Variants in LUZP2 observed in about 807,000 individuals in gnomAD.
The protein encoded by LUZP2 is leucine zipper protein 2.
A neutral mutation model predicts 51.6 loss-of-function variants in LUZP2; 52 were observed. The ratio of observed to expected loss-of-function variants is 1.01; its 90% CI spans 0.81 to 1.27. The LOEUF is 1.27. Among genes scored for constraint, LUZP2 ranks in the 50% most tolerant of loss-of-function variants. The probability of loss-of-function intolerance (pLI) is 0.00; values close to 1 mark genes in which losing one functional copy is unlikely to be tolerated. For missense variants in LUZP2, 436 were observed against 395.4 expected, an observed-to-expected ratio of 1.10 and a Z score of -0.87; for synonymous variants, 154 against 137.3, an observed-to-expected ratio of 1.12 and a Z score of -0.85.
At chr11:25,063,789 G>C (rs772982718) in intron 10 of LUZP2, among the ~76,000 whole-genome samples, 26 of 151,822 alleles carry the variant, frequency 1.7e-4, no homozygotes, top group Admixed American at 5.3e-4. Flanking sequence ...TATTGAACAT[G>C]TAATGTGTAT....
chr11:24,841,075 A>G (rs2134200071), intron 5 of LUZP2, among the ~76,000 whole-genome samples: 1 of 152,040 alleles, frequency 6.6e-6, no homozygotes, highest in East Asian at 1.9e-4. Context: ...AGTGTTATAG[A>G]CTATATGTTT....
chr11:24,758,929 A>G (rs1040978220), intron 4 of LUZP2, among the ~76,000 whole-genome samples: 1 of 152,128 alleles, frequency 6.6e-6, no homozygotes, highest in East Asian at 1.9e-4. Flanking sequence ...ATATGAAAAA[A>G]GATGTATATC....
intron 5 of LUZP2, among the ~76,000 whole-genome samples, chr11:24,861,644 C>T (rs999534187): frequency 2.6e-5 from 4 of 151,938 alleles, no homozygotes; most frequent in East Asian, 3.9e-4. Flanking sequence ...GGGGACTGCC[C>T]GCCACTAGTG....
intron 9 of LUZP2, 123 bp downstream of exon 9, chr11:24,983,416 G>A: frequency 1.0e-6 from 1 of 995,372 alleles, no homozygotes; most frequent in African/African-American, 1.7e-5. Context: ...AAGATTAGGA[G>A]GAAAATGGAA....
At chr11:24,695,617 T>C (rs980667878) in intron 1 of LUZP2, among the ~76,000 whole-genome samples, 2 of 152,042 alleles carry the variant, frequency 1.3e-5, no homozygotes, top group African/African-American at 2.4e-5. Context: ...TATGAAGAGA[T>C]GGGAGTATCT....
At chr11:25,054,396 T>C (rs1346650001) in intron 10 of LUZP2, among the ~76,000 whole-genome samples, 10 of 152,172 alleles carry the variant, frequency 6.6e-5, no homozygotes, top group Non-Finnish European at 1.5e-4. Flanking sequence ...TATTCACCTG[T>C]TTAAGCACAC....
chr11:24,861,336 C>T lies in LUZP2; in HGVS notation c.397-44655C>T, dbSNP rs1590654073. ...ACCAAACCTACAATTGATCAGAGTA[C>T]CAGAAAAATATGGGGAGAATGTAAA... On this transcript the variant is annotated intron_variant, in intron 5 of 11. Coordinates refer to ENST00000336930, the MANE Select transcript of LUZP2 (RefSeq NM_001009909.4). Among the ~76,000 whole-genome samples the T allele has an allele frequency of 3.9e-5, 6 of 152,072 alleles. No homozygotes were observed. The South Asian group carries it at 1.2e-3, about 32-fold the overall frequency.
chr11:24,632,805 A>T (rs1030472748), intron 1 of LUZP2, among the ~76,000 whole-genome samples: 5 of 152,068 alleles, frequency 3.3e-5, no homozygotes, highest in East Asian at 3.8e-4. Context: ...AACCAAGCTG[A>T]TGAGATAGCC....
intron 5 of LUZP2, among the ~76,000 whole-genome samples, chr11:24,879,619 C>A (rs140333421): frequency 2.8e-4 from 43 of 152,232 alleles, no homozygotes; most frequent in African/African-American, 9.9e-4. Flanking sequence ...TTCTGACTGG[C>A]GTGAGATGGT....
At chr11:24,937,047 A>AAC (rs138164177) in intron 7 of LUZP2, among the ~76,000 whole-genome samples, 68,716 of 149,600 alleles carry the variant, frequency 0.46, 15,640 homozygotes, top group East Asian at 0.72. Flanking sequence ...TGCAATGAGA[A>AAC]ACACACACAC....
At chr11:24,587,861 A>C (rs1853126950) in intron 1 of LUZP2, among the ~76,000 whole-genome samples, 1 of 151,978 alleles carries the variant, frequency 6.6e-6, no homozygotes, top group Non-Finnish European at 1.5e-5. Flanking sequence ...TATTATACAG[A>C]TGTGTCAGAG....
chr11:24,669,429 G>C (rs1434469830), intron 1 of LUZP2, among the ~76,000 whole-genome samples: 1 of 152,082 alleles, frequency 6.6e-6, no homozygotes. Context: ...TGGTATTAAT[G>C]ATTTGCTTTT....
At chr11:24,991,765 G>T (rs1436028766) in intron 9 of LUZP2, among the ~76,000 whole-genome samples, 1 of 151,864 alleles carries the variant, frequency 6.6e-6, no homozygotes, top group African/African-American at 2.4e-5. Context: ...GGCCATTCTT[G>T]CAGAAGTAAG....
chr11:24,989,023 A>C (rs774078461), intron 9 of LUZP2, among the ~76,000 whole-genome samples: 6 of 151,724 alleles, frequency 4.0e-5, no homozygotes, highest in Non-Finnish European at 8.8e-5. Flanking sequence ...ATCAGGCCCC[A>C]GTGCAGATCT....
At chr11:24,517,718 G>C (rs12290456) in intron 1 of LUZP2, among the ~76,000 whole-genome samples, 1 of 152,090 alleles carries the variant, frequency 6.6e-6, no homozygotes, top group East Asian at 1.9e-4. Flanking sequence ...GAATTTATCA[G>C]ATAGTCTGAA....
intron 1 of LUZP2, among the ~76,000 whole-genome samples, chr11:24,616,923 G>A (rs1041462936): frequency 1.3e-5 from 2 of 152,134 alleles, no homozygotes; most frequent in Admixed American, 6.5e-5. Flanking sequence ...CACACAGCAT[G>A]GTAAATCTTG....
chr11:24,990,478 T>C (rs1234965572), intron 9 of LUZP2, among the ~76,000 whole-genome samples: 1 of 152,036 alleles, frequency 6.6e-6, no homozygotes, highest in African/African-American at 2.4e-5. Flanking sequence ...TGACTAACCA[T>C]TGGTAATATA....
intron 9 of LUZP2, among the ~76,000 whole-genome samples, chr11:24,992,344 T>C (rs1216766367): frequency 6.6e-6 from 1 of 152,102 alleles, no homozygotes; most frequent in Non-Finnish European, 1.5e-5. Flanking sequence ...TAATTGTGTG[T>C]GTATGTGTCT....
At chr11:24,521,867 AATG>A (rs1850653260) in intron 1 of LUZP2, among the ~76,000 whole-genome samples, 1 of 152,132 alleles carries the variant, frequency 6.6e-6, no homozygotes, top group Non-Finnish European at 1.5e-5. Flanking sequence ...TTTATGGAGG[AATG>A]ATGTTAGAAA....
Sources: allele counts gnomAD v4.1 joint callset (sites outside exome capture counted in the v4.1 genomes callset), GRCh38; gene constraint gnomAD v4.1.1; transcripts MANE v1.5; gene names NCBI Gene and HGNC (gene_info 2026-07-23, HGNC 2026-07-21).